The following EIF4E3 variants were observed in gnomAD, a reference collection of about 807,000 sequenced individuals.
EIF4E3 encodes the protein eukaryotic translation initiation factor 4E family member 3.
A neutral mutation model predicts 31.7 loss-of-function variants in EIF4E3; 26 were observed. The ratio of observed to expected loss-of-function variants is 0.82; its 90% CI spans 0.60 to 1.14. The LOEUF (loss-of-function observed/expected upper bound fraction) is 1.14, where lower values mean the gene tolerates loss of function less well. EIF4E3 is among the 50% of genes most tolerant of loss of function. The pLI is 0.00. For missense variants in EIF4E3, 304 were observed against 270.9 expected, an observed-to-expected ratio of 1.12 and a Z score of -0.86; for synonymous variants, 128 against 107.7, an observed-to-expected ratio of 1.19 and a Z score of -1.17.
intron 1 of EIF4E3, among the ~76,000 whole-genome samples, chr3:71,722,411 G>T (rs555481294): frequency 4.6e-5 from 7 of 152,252 alleles, no homozygotes; most frequent in African/African-American, 1.7e-4. Context: ...GAGGCCTGAG[G>T]CCTGAGTCTT....
At chr3:71,729,145 A>ATGGG (rs920224711), upstream of EIF4E3, 2 of 152,178 alleles carry the variant, frequency 1.3e-5, no homozygotes, top group Non-Finnish European at 2.9e-5. Flanking sequence ...CCATGGCAAC[A>ATGGG]TGGGTGAGGT....
chr3:71,725,634 CGT>C (rs937247264), upstream of EIF4E3, among the ~76,000 whole-genome samples: 3 of 151,876 alleles, frequency 2.0e-5, no homozygotes, highest in African/African-American at 7.2e-5. The surrounding 1 kb of genome is among the most constrained non-coding windows in gnomAD (Gnocchi z 6.1). Context: ...GCGGGCCCAG[CGT>C]GGGAGACTGA....
the EIF4E3 span, among the ~76,000 whole-genome samples, chr3:71,668,199 A>G: frequency 1.3e-5 from 2 of 152,350 alleles, no homozygotes; most frequent in East Asian, 3.9e-4. Flanking sequence ...CTGGCTAGCC[A>G]TATGCAGAAA....
intron 2 of EIF4E3, among the ~76,000 whole-genome samples, chr3:71,702,264 G>A (rs935450508): frequency 1.3e-5 from 2 of 152,198 alleles, no homozygotes; most frequent in African/African-American, 2.4e-5. Flanking sequence ...TGGTTACGAT[G>A]TGGCAATGAC....
intron 3 of EIF4E3, 146 bp from the exon 4 acceptor site, chr3:71,696,666 T>C (rs2049141570): frequency 2.3e-6 from 2 of 882,794 alleles, no homozygotes; most frequent in Non-Finnish European, 3.4e-6. Flanking sequence ...TTTTGTTTTT[T>C]ATTTTTTATT....
chr3:71,722,100 G>GGA (rs2049560137), intron 1 of EIF4E3, among the ~76,000 whole-genome samples: 2 of 151,568 alleles, frequency 1.3e-5, no homozygotes, highest in Non-Finnish European at 2.9e-5. Flanking sequence ...CCTCGGGGGG[G>GGA]CGGGGGTGGG....
At chr3:71,671,501 C>G (rs1422185561), downstream of EIF4E3, among the ~76,000 whole-genome samples, 2 of 152,162 alleles carry the variant, frequency 1.3e-5, no homozygotes, top group African/African-American at 4.8e-5. Flanking sequence ...TATTAAGCGT[C>G]TTGGAATGCC....
At chr3:71,751,780 A>T (rs891076270) in intron 1 of EIF4E3, among the ~76,000 whole-genome samples, 4 of 152,164 alleles carry the variant, frequency 2.6e-5, no homozygotes, top group African/African-American at 9.7e-5. Flanking sequence ...TCTGCCTGGA[A>T]TGAAGAAATG....
chr3:71,665,338 T>C, the EIF4E3 span, among the ~76,000 whole-genome samples: 1 of 152,216 alleles, frequency 6.6e-6, no homozygotes, highest in African/African-American at 2.4e-5. Flanking sequence ...AGTGATCCCA[T>C]GAAAGCCACG....
chr3:71,754,049 G>A (rs544098523), upstream of EIF4E3: 7 of 1,256,224 alleles, frequency 5.6e-6, no homozygotes, highest in African/African-American at 4.8e-5. The surrounding 1 kb of genome is among the most constrained non-coding windows in gnomAD (Gnocchi z 5.8). Flanking sequence ...GTGAGGCCGC[G>A]ATGGCGAACG....
chr3:71,684,814 T>C, intron 6 of EIF4E3, 86 bp from the exon 7 acceptor site: 1 of 1,405,390 alleles, frequency 7.1e-7, no homozygotes, highest in Non-Finnish European at 9.7e-7. Context: ...AGGCATCTCA[T>C]TCAGCTTCCC....
At chr3:71,664,700 C>T in the EIF4E3 span, among the ~76,000 whole-genome samples, 2 of 152,046 alleles carry the variant, frequency 1.3e-5, no homozygotes, top group Admixed American at 1.3e-4. Flanking sequence ...ATGATGAAAT[C>T]CCATCTCTAT....
At chr3:71,668,255 A>T in the EIF4E3 span, among the ~76,000 whole-genome samples, 1 of 152,340 alleles carries the variant, frequency 6.6e-6, no homozygotes, top group South Asian at 2.1e-4. Flanking sequence ...AAATTAACTC[A>T]AGATGGATTA....
chr3:71,700,949 G>T (rs1481131686), intron 2 of EIF4E3, among the ~76,000 whole-genome samples: 1 of 152,114 alleles, frequency 6.6e-6, no homozygotes, highest in Non-Finnish European at 1.5e-5. Context: ...GACAGGCTTG[G>T]TGTCCTTATG....
intron 6 of EIF4E3, among the ~76,000 whole-genome samples, chr3:71,688,775 A>T (rs1250295337): frequency 6.6e-6 from 1 of 152,194 alleles, no homozygotes; most frequent in Non-Finnish European, 1.5e-5. Context: ...GGCATCGGCA[A>T]ATTGGCAACT....
At chr3:71,684,804 A>G in intron 6 of EIF4E3, 76 bp from the exon 7 acceptor site, 3 of 1,480,180 alleles carry the variant, frequency 2.0e-6, no homozygotes, top group Middle Eastern at 1.8e-4. Context: ...ACCCTCCTCT[A>G]GGCATCTCAT....
At chr3:71,720,140 T>C (rs2108107559) in intron 1 of EIF4E3, among the ~76,000 whole-genome samples, 1 of 152,208 alleles carries the variant, frequency 6.6e-6, no homozygotes, top group East Asian at 1.9e-4. Flanking sequence ...GGGAATCTTT[T>C]ATTGAAACTA....
chr3:71,737,874 AAAG>A (rs1279919593), intron 1 of EIF4E3, among the ~76,000 whole-genome samples: 2 of 152,048 alleles, frequency 1.3e-5, no homozygotes, highest in African/African-American at 4.8e-5. Context: ...TAAAGTACTG[AAAG>A]AAGAAAACCT....
intron 1 of EIF4E3, among the ~76,000 whole-genome samples, chr3:71,724,714 G>A (rs938954284): frequency 6.6e-6 from 1 of 152,146 alleles, no homozygotes; most frequent in Non-Finnish European, 1.5e-5. Flanking sequence ...AGCGCCCGCC[G>A]TGCAATAATC....
Sources: allele counts gnomAD v4.1 joint callset (sites outside exome capture counted in the v4.1 genomes callset), GRCh38; gene constraint gnomAD v4.1.1; non-coding constraint Gnocchi (gnomAD v3.1); transcripts MANE v1.5; gene names NCBI Gene and HGNC (gene_info 2026-07-23, HGNC 2026-07-21).